Variants in KCTD16 observed in about 807,000 individuals in gnomAD.
KCTD16 encodes the protein potassium channel tetramerization domain containing 16.
A neutral mutation model predicts 33.2 loss-of-function variants in KCTD16; 13 were observed. The observed-to-expected ratio is 0.39, with a 90% confidence interval of 0.25 to 0.62. The LOEUF is 0.62. KCTD16 is among the 20% of genes least tolerant of loss of function. The pLI is 0.50. For synonymous variants in KCTD16, 197 were observed against 195.3 expected, an observed-to-expected ratio of 1.01 and a Z score of -0.07; for missense variants, 441 against 525.1, an observed-to-expected ratio of 0.84 and a Z score of 1.57.
intron 3 of KCTD16, among the ~76,000 whole-genome samples, chr5:144,293,895 C>G (rs1313341151): frequency 6.6e-6 from 1 of 152,192 alleles, no homozygotes; most frequent in Non-Finnish European, 1.5e-5. Context: ...TGCGGTGGCT[C>G]ACGCCTGTAA....
In KCTD16 at chr5:144,303,356, A is replaced by C. The variant is rs149580757; in HGVS notation, c.832+95810A>C. Among the ~76,000 whole-genome samples, 996 of 152,344 alleles carry C rather than the reference A, an allele frequency of 6.5e-3. 8 individuals carry two copies. Among genetic ancestry groups the C allele is most frequent in the Non-Finnish European group, 0.011 (744 of 68,020 alleles). On this transcript the variant is annotated intron_variant, in intron 3 of 3. Transcript: ENST00000512467. ...TAGGAACAAAGATGAATAGCTTTATAGGCTTGTGAGATCTCTGTAAAATCT... is the reference window on the plus strand; with the variant it reads ...TAGGAACAAAGATGAATAGCTTTATCGGCTTGTGAGATCTCTGTAAAATCT...
chr5:144,204,202 C>G (rs1753107937), intron 2 of KCTD16, among the ~76,000 whole-genome samples: 2 of 152,222 alleles, frequency 1.3e-5, no homozygotes, highest in South Asian at 2.1e-4. Context: ...ACACGTTTCT[C>G]ATAAAATGTA....
intron 3 of KCTD16, among the ~76,000 whole-genome samples, chr5:144,466,133 C>T (rs563720661): frequency 3.9e-5 from 6 of 152,100 alleles, no homozygotes; most frequent in Middle Eastern, 3.4e-3. Flanking sequence ...CCAGCCTACC[C>T]GGCCATATGT....
chr5:144,345,462 C>T (rs1352086369), intron 3 of KCTD16, among the ~76,000 whole-genome samples: 1 of 152,074 alleles, frequency 6.6e-6, no homozygotes, highest in African/African-American at 2.4e-5. Flanking sequence ...TGGGTAATTT[C>T]AGTCTGTAAG....
intron 3 of KCTD16, among the ~76,000 whole-genome samples, chr5:144,449,321 A>C (rs755448226): frequency 1.3e-5 from 2 of 151,994 alleles, no homozygotes; most frequent in African/African-American, 2.4e-5. Context: ...GAATGTGCAT[A>C]CTATGCAAAG....
intron 3 of KCTD16, chr5:144,369,492 C>T (rs1751918085): frequency 6.6e-6 from 1 of 152,192 alleles, no homozygotes; most frequent in Non-Finnish European, 1.5e-5. Context: ...GTTATTATTA[C>T]ATCCCTATTA....
intron 3 of KCTD16, among the ~76,000 whole-genome samples, chr5:144,382,052 TG>T (rs1188303068): frequency 9.5e-6 from 1 of 105,644 alleles, no homozygotes; most frequent in Non-Finnish European, 1.9e-5. Flanking sequence ...ATACATATGA[TG>T]GAATACTATG....
At chr5:144,376,458 T>C (rs1427074002) in intron 3 of KCTD16, among the ~76,000 whole-genome samples, 2 of 152,140 alleles carry the variant, frequency 1.3e-5, no homozygotes, top group Non-Finnish European at 2.9e-5. Flanking sequence ...AGAAATGAGT[T>C]TCTGGATTCC....
At position 144,446,767 on chromosome 5, in the gene KCTD16, A is replaced by G. The variant is rs1304657019; in HGVS notation, c.833-26893A>G. ...CAAAGAATATGAATAGACACCTTTC[A>G]AAAGAAGAGATTTATGCAGCCAACA... is the stretch of plus-strand genomic sequence containing the variant. On this transcript the variant is annotated intron_variant, in intron 3 of 3. Transcript: ENST00000512467. 2.6e-5 allele frequency among the ~76,000 whole-genome samples: 4 copies of G among 152,238 alleles called. No homozygotes were observed. The South Asian group carries it at 6.2e-4, about 24-fold the overall frequency.
At chr5:144,345,025 A>G (rs13177605) in intron 3 of KCTD16, among the ~76,000 whole-genome samples, 1 of 152,172 alleles carries the variant, frequency 6.6e-6, no homozygotes, top group Non-Finnish European at 1.5e-5. Flanking sequence ...CTATGCAGCC[A>G]TGAAAAATGA....
chr5:144,301,015 G>A (rs1751424004), intron 3 of KCTD16, among the ~76,000 whole-genome samples: 1 of 152,098 alleles, frequency 6.6e-6, no homozygotes, highest in Non-Finnish European at 1.5e-5. Context: ...GCCTGAGACA[G>A]GAGGATCATA....
chr5:144,413,236 A>G (rs1258315783), intron 3 of KCTD16, among the ~76,000 whole-genome samples: 1 of 152,182 alleles, frequency 6.6e-6, no homozygotes, highest in Non-Finnish European at 1.5e-5. Flanking sequence ...CTAAGAGGAG[A>G]TTAGGACTCA....
intron 3 of KCTD16, among the ~76,000 whole-genome samples, chr5:144,369,993 T>A (rs961637893): frequency 8.5e-5 from 13 of 152,324 alleles, no homozygotes; most frequent in Admixed American, 7.8e-4. Flanking sequence ...ATCTACTTAA[T>A]GTTAATATTA....
intron 2 of KCTD16, among the ~76,000 whole-genome samples, chr5:144,202,250 G>A (rs561216018): frequency 1.3e-5 from 2 of 152,076 alleles, no homozygotes; most frequent in African/African-American, 4.8e-5. Context: ...TAACACTAGC[G>A]GTGTTATTTG....
intron 3 of KCTD16, among the ~76,000 whole-genome samples, chr5:144,284,709 A>T (rs545147972): frequency 6.6e-6 from 1 of 152,334 alleles, no homozygotes; most frequent in Non-Finnish European, 1.5e-5. Flanking sequence ...GCTTTTCAAG[A>T]TGAAAAGTAT....
chr5:144,470,391 C>T (rs1332242083), intron 3 of KCTD16, among the ~76,000 whole-genome samples: 2 of 152,144 alleles, frequency 1.3e-5, no homozygotes, highest in Admixed American at 6.6e-5. Flanking sequence ...TGGTTATCTT[C>T]TCACATTTGA....
At chr5:144,247,014 G>A (rs576532656) in intron 3 of KCTD16, among the ~76,000 whole-genome samples, 6 of 152,254 alleles carry the variant, frequency 3.9e-5, no homozygotes, top group East Asian at 3.9e-4. Flanking sequence ...CAAGATAATG[G>A]CATTTCTCAG....
At chr5:144,467,627 T>A (rs898279442) in intron 3 of KCTD16, among the ~76,000 whole-genome samples, 1 of 152,196 alleles carries the variant, frequency 6.6e-6, no homozygotes, top group Admixed American at 6.5e-5. Flanking sequence ...GATGCGTGGC[T>A]GGCAAAGGGA....
chr5:144,234,366 A>G (rs965589705), intron 3 of KCTD16, among the ~76,000 whole-genome samples: 2 of 152,140 alleles, frequency 1.3e-5, no homozygotes, highest in African/African-American at 4.8e-5. Context: ...CACACATTTT[A>G]AAAAATTCAT....
Sources: gnomAD v4.1 joint callset for allele counts (sites outside exome capture counted in the v4.1 genomes callset) on GRCh38, gnomAD v4.1.1 for gene constraint, MANE v1.5 for transcripts, NCBI Gene and HGNC (gene_info 2026-07-23, HGNC 2026-07-21) for gene names.